The following NPTN variants were observed in gnomAD, a reference collection of about 807,000 sequenced individuals.
NPTN encodes SDR-1.
A neutral mutation model predicts 42.7 loss-of-function variants in NPTN; 5 were observed. That is an observed-to-expected ratio of 0.12 (90% CI 0.06 to 0.25). The LOEUF is 0.25. Among genes scored for constraint, NPTN ranks in the 10% least tolerant of loss-of-function variants. The pLI, the probability that NPTN is intolerant of heterozygous loss-of-function variation, is 1.00. For missense variants in NPTN, 307 were observed against 525.4 expected (o/e 0.58, Z 4.06); for synonymous variants, 180 against 201.9 (o/e 0.89, Z 0.92).
In NPTN at chr15:73,598,024, A is replaced by C. The variant is rs896530337; in HGVS notation, c.92-655T>G. 2.6e-5 allele frequency among the ~76,000 whole-genome samples: 4 copies of C among 152,142 alleles called. No homozygotes were observed. The South Asian group carries it at 6.2e-4, about 24-fold the overall frequency. On this transcript the variant is annotated intron_variant, in intron 1 of 8. Coordinates refer to ENST00000345330, the MANE Select transcript of NPTN (RefSeq NM_012428.4). Reference sequence around the variant, plus strand: ...TCTTCCCTGGGCCTATGGCAAACAAACAACCCAGTTGTTTAGCGTTAGGCA... The same window carrying C: ...TCTTCCCTGGGCCTATGGCAAACAACCAACCCAGTTGTTTAGCGTTAGGCA...
At chr15:73,601,585 A>G (rs916354134) in intron 1 of NPTN, among the ~76,000 whole-genome samples, 1 of 152,196 alleles carries the variant, frequency 6.6e-6, no homozygotes, top group African/African-American at 2.4e-5. Flanking sequence ...CACACTGCCT[A>G]AAGTTGGGAG....
chr15:73,603,156 TA>T (rs1241694224), intron 1 of NPTN, among the ~76,000 whole-genome samples: 1 of 152,252 alleles, frequency 6.6e-6, no homozygotes, highest in Non-Finnish European at 1.5e-5. Flanking sequence ...AAAACGGGAC[TA>T]ATAATAGCAG....
At position 73,593,504 on chromosome 15, in the gene NPTN, C is replaced by T. The variant is rs74026220; in HGVS notation, c.440-1367G>A. Among the ~76,000 whole-genome samples, 1,346 of 152,250 alleles carry T rather than the reference C, an allele frequency of 8.8e-3. 18 individuals carry two copies. Among genetic ancestry groups the T allele is most frequent in the African/African-American group, 0.031 (1,267 of 41,540 alleles). Reference sequence around the variant, plus strand: ...TACAGCTTTGCAGCAGCTCCCCTCACCATTTTATACAGTATTGTGCTGAGC... The same window carrying T: ...TACAGCTTTGCAGCAGCTCCCCTCATCATTTTATACAGTATTGTGCTGAGC... On this transcript the variant is annotated intron_variant, in intron 2 of 8. Coordinates refer to ENST00000345330, the MANE Select transcript of NPTN (RefSeq NM_012428.4).
chr15:73,604,003 T>C (rs1023200313), intron 1 of NPTN, among the ~76,000 whole-genome samples: 3 of 152,208 alleles, frequency 2.0e-5, no homozygotes, highest in African/African-American at 7.2e-5. Flanking sequence ...AATGTTAAGT[T>C]ACTTTAGGAC....
intron 3 of NPTN, among the ~76,000 whole-genome samples, chr15:73,590,737 G>A (rs563925781): frequency 7.9e-5 from 12 of 152,200 alleles, no homozygotes; most frequent in South Asian, 6.2e-4. Context: ...ACTCCAGCCC[G>A]GGAGGCAGAA....
chr15:73,597,697 C>G lies in NPTN; in HGVS notation c.92-328G>C, dbSNP rs1896892069. ...TGGTAGGAATGAGAAAGCCTCAGGT[C>G]TTGGGAAGAGCCTCTTTCCTTAGAA... On this transcript the variant is annotated intron_variant, in intron 1 of 8. Transcript: ENST00000345330. This position sits in a 1 kb window ranked among gnomAD's most constrained non-coding sequence, Gnocchi z 6.3. 6.6e-6 allele frequency among the ~76,000 whole-genome samples: 1 copy of G among 152,198 alleles called. No homozygotes were observed. Among genetic ancestry groups the G allele is most frequent in the Admixed American group, 6.5e-5 (1 of 15,282 alleles).
chr15:73,588,984 A>T (rs139117529), intron 3 of NPTN, among the ~76,000 whole-genome samples: 5 of 152,170 alleles, frequency 3.3e-5, no homozygotes, highest in African/African-American at 1.2e-4. Context: ...CACAGAGTGA[A>T]TATCTATGTA....
intron 4 of NPTN, among the ~76,000 whole-genome samples, chr15:73,575,230 G>A (rs555433881): frequency 2.0e-4 from 30 of 152,176 alleles, no homozygotes; most frequent in South Asian, 6.2e-4. Flanking sequence ...TGTTCTGCCC[G>A]CGTTGGCCTC....
At chr15:73,619,535 G>A (rs1412358307) in intron 1 of NPTN, among the ~76,000 whole-genome samples, 6 of 152,084 alleles carry the variant, frequency 3.9e-5, no homozygotes, top group Non-Finnish European at 8.8e-5. Context: ...GCTGCAAGAC[G>A]GCTTCAAAAA....
In NPTN at chr15:73,592,470, T is replaced by C. The variant is rs10162782; in HGVS notation, c.440-333A>G. ...AACCACCAAACAATTCGGCTTCAAT[T>C]AGACAACCAGGCTCCACCTTGCCAT... On this transcript the variant is annotated intron_variant, in intron 2 of 8. Coordinates refer to ENST00000345330, the MANE Select transcript of NPTN (RefSeq NM_012428.4). Among the ~76,000 whole-genome samples the C allele has an allele frequency of 4.4e-3, 673 of 152,326 alleles. 3 individuals carry two copies. Among genetic ancestry groups the C allele is most frequent in the African/African-American group, 0.015 (641 of 41,564 alleles).
rs982783973 is a variant in NPTN at position 73,584,721 on chromosome 15, T to G, written c.706+2803A>C. ...GCCGAATACCTGAGAAACGTAACCC[T>G]CAACAGTATCTTCCTGTTTATACTA... is the stretch of plus-strand genomic sequence containing the variant. On this transcript the variant is annotated intron_variant, in intron 4 of 8. Coordinates refer to ENST00000345330, the MANE Select transcript of NPTN (RefSeq NM_012428.4). Among the ~76,000 whole-genome samples the G allele has an allele frequency of 4.4e-4, 62 of 139,862 alleles. 1 individual carries two copies. In the Admixed American group the frequency reaches 4.6e-3, roughly 10 times the overall value. The allele number at this position is 139,862 out of a possible 152,430, so 91.8% of individuals were successfully genotyped here. A position where few individuals can be genotyped will look rare whatever the true frequency, so the allele number is the denominator to read the frequency against.
intron 1 of NPTN, among the ~76,000 whole-genome samples, chr15:73,625,548 G>C (rs1369507653): frequency 6.6e-6 from 1 of 152,092 alleles, no homozygotes; most frequent in Non-Finnish European, 1.5e-5. Context: ...AGCCAGGATG[G>C]TCTCGATCTC....
intron 2 of NPTN, among the ~76,000 whole-genome samples, chr15:73,593,869 GATGC>G (rs1407692101): frequency 1.3e-5 from 2 of 152,166 alleles, no homozygotes; most frequent in African/African-American, 4.8e-5. Context: ...GACAGAAGCA[GATGC>G]ATGTAAACAC....
chr15:73,600,800 A>C (rs149835733), intron 1 of NPTN, among the ~76,000 whole-genome samples: 14 of 152,312 alleles, frequency 9.2e-5, no homozygotes, highest in Non-Finnish European at 1.8e-4. Context: ...CTTACTAGAG[A>C]ATGGAGATAG....
intron 1 of NPTN, among the ~76,000 whole-genome samples, chr15:73,616,455 T>C (rs1285561058): frequency 6.6e-6 from 1 of 152,122 alleles, no homozygotes; most frequent in African/African-American, 2.4e-5. Flanking sequence ...CACTCAGATA[T>C]ACCACGGGCC....
chr15:73,605,007 AG>A (rs1897229356), intron 1 of NPTN, among the ~76,000 whole-genome samples: 1 of 150,870 alleles, frequency 6.6e-6, no homozygotes, highest in Non-Finnish European at 1.5e-5. Flanking sequence ...CTGAGGTAAG[AG>A]GATCAATTGA....
At chr15:73,588,388 G>A (rs1377564858) in intron 3 of NPTN, among the ~76,000 whole-genome samples, 3 of 152,120 alleles carry the variant, frequency 2.0e-5, no homozygotes, top group East Asian at 1.9e-4. Flanking sequence ...AGGAGCATGC[G>A]TTTCCACAAG....
At chr15:73,628,826 A>G (rs1177895485) in intron 1 of NPTN, among the ~76,000 whole-genome samples, 1 of 152,094 alleles carries the variant, frequency 6.6e-6, no homozygotes, top group Non-Finnish European at 1.5e-5. Flanking sequence ...CTTTTTATTA[A>G]TGTCTAAAGG....
chr15:73,612,403 G>A (rs1296492729), intron 1 of NPTN, among the ~76,000 whole-genome samples: 1 of 139,776 alleles, frequency 7.2e-6, no homozygotes, highest in Non-Finnish European at 1.5e-5. Context: ...TAGGCCCACA[G>A]AGCGAGATCC....
Sources: gnomAD v4.1 joint callset for allele counts (sites outside exome capture counted in the v4.1 genomes callset) on GRCh38, gnomAD v4.1.1 for gene constraint, Gnocchi (gnomAD v3.1) non-coding constraint, MANE v1.5 for transcripts, NCBI Gene and HGNC (gene_info 2026-07-23, HGNC 2026-07-21) for gene names.